The following WASHC4 variants were observed in gnomAD, a reference collection of about 807,000 sequenced individuals.
The protein encoded by WASHC4 is WASH complex subunit 7.
Under a neutral mutation model 166.6 loss-of-function variants are expected in WASHC4, and 86 were observed. That is an observed-to-expected ratio of 0.52 (90% confidence interval 0.43 to 0.62). WASHC4 has a LOEUF of 0.62. Among genes scored for constraint, WASHC4 ranks in the 20% least tolerant of loss-of-function variants. The pLI, the probability that WASHC4 is intolerant of heterozygous loss-of-function variation, is 0.00. For missense variants in WASHC4, 1,262 were observed against 1,382.4 expected (o/e 0.91, Z 1.38); for synonymous variants, 446 against 451.6 (o/e 0.99, Z 0.16).
At chr12:105,125,968 A>G in intron 10 of WASHC4, 36 bp from the exon 11 acceptor site, 1 of 1,593,118 alleles carries the variant, frequency 6.3e-7, no homozygotes, top group South Asian at 1.1e-5. Flanking sequence ...TTTATTATTG[A>G]GAGTCTGAAT....
chr12:105,165,943 T>C (rs1884784328), intron 32 of WASHC4, among the ~76,000 whole-genome samples: 1 of 152,236 alleles, frequency 6.6e-6, no homozygotes, highest in Non-Finnish European at 1.5e-5. Context: ...TGAATCAATA[T>C]AATCTAAATT....
At chr12:105,109,649 C>CTTTTTTTTTT (rs36080234) in intron 1 of WASHC4, among the ~76,000 whole-genome samples, 5 of 97,624 alleles carry the variant, frequency 5.1e-5, no homozygotes, top group African/African-American at 1.6e-4. Context: ...CTAGCATTGT[C>CTTTTTTTTTT]TTTTTTTTTT....
chr12:105,118,499 C>T lies in WASHC4; in HGVS notation c.489C>T (p.His163=). The T allele has an allele frequency of 6.2e-7, 1 of 1,612,788 alleles. No homozygotes were observed. The highest frequency in any genetic ancestry group is 8.5e-7 in the Non-Finnish European group (1 of 1,178,804). ...ATGAAGTGGTGATGAACGTAGTCCACCAGTTGGCTGCCCTCTATATCAGTA... is the reference window on the plus strand; with the variant it reads ...ATGAAGTGGTGATGAACGTAGTCCATCAGTTGGCTGCCCTCTATATCAGTA... ...RCYEVVMNVV[H]QLAALYISNK... The change falls in exon 7 of 33, where the codon CAC becomes CAT. Residue 163 remains histidine, a synonymous_variant. Transcript: ENST00000332180.
Position 105,164,347 on chromosome 12 carries a change from C to T in WASHC4, c.3354+40C>T, listed in dbSNP as rs759028496. 3.3e-6 allele frequency: 5 copies of T among 1,526,926 alleles called. No homozygotes were observed. In the South Asian group the frequency reaches 4.5e-5, roughly 14 times the overall value. 94.6% of individuals were successfully genotyped at this position (1,526,926 alleles called of 1,614,324 possible). A position where few individuals can be genotyped will look rare whatever the true frequency, so the allele number is the denominator to read the frequency against. On this transcript the variant is annotated intron_variant, in intron 31 of 32. Transcript: ENST00000332180. ...AAGAGTCACATCTGCTTTGACTTAC[C>T]ATTTGATATCCATGACTTCTTAATG...
At chr12:105,120,511 AC>A in intron 7 of WASHC4, 43 bp from the exon 8 acceptor site, 1 of 1,178,004 alleles carries the variant, frequency 8.5e-7, no homozygotes, top group Non-Finnish European at 1.3e-6. Context: ...ATAAACTATG[AC>A]AAAAAGGAAG....
rs145746721 is a variant in WASHC4, at chr12:105,148,971, G to A, written c.2515-644G>A. On this transcript the variant is annotated intron_variant, in intron 24 of 32. Coordinates refer to ENST00000332180, the MANE Select transcript of WASHC4 (RefSeq NM_015275.3). ...GGGCTTTTTGTTATTTATTGTCAAA[G>A]CACACATGTACTTAACATTCTGAGA... 751 of 984,492 alleles carry A rather than the reference G, an allele frequency of 7.6e-4. 5 individuals carry two copies. The African/African-American group carries it at 0.012, about 16-fold the overall frequency. 61.0% of individuals were successfully genotyped at this position (984,492 alleles called of 1,614,324 possible).
chr12:105,148,933 T>G, intron 24 of WASHC4: 1 of 985,314 alleles, frequency 1.0e-6, no homozygotes, highest in Non-Finnish European at 1.2e-6. Flanking sequence ...TTTCTTAGGA[T>G]TTTCTGAGTC....
rs771492360 is a variant in WASHC4 at position 105,164,771 on chromosome 12, A to G, written c.3454+31A>G. Reference sequence around the variant, plus strand: ...TGAGTGGTTTAAATTTGGAAAGACCAATAAATGTCTTTAGTAATAGACAGT... The same window carrying G: ...TGAGTGGTTTAAATTTGGAAAGACCGATAAATGTCTTTAGTAATAGACAGT... On this transcript the variant is annotated intron_variant, in intron 32 of 32. Coordinates refer to ENST00000332180, the MANE Select transcript of WASHC4 (RefSeq NM_015275.3). 3.5e-6 allele frequency: 5 copies of G among 1,438,136 alleles called. No individual in the cohort carries two copies. In the East Asian group the frequency reaches 9.1e-5, roughly 26 times the overall value. 89.1% of individuals were successfully genotyped at this position (1,438,136 alleles called of 1,614,324 possible). A position where few individuals can be genotyped will look rare whatever the true frequency, so the allele number is the denominator to read the frequency against.
chr12:105,144,293 C>G lies in WASHC4; in HGVS notation c.2017C>G (p.Leu673Val). The G allele has an allele frequency of 6.2e-7, 1 of 1,611,284 alleles. No homozygotes were observed. The highest frequency in any genetic ancestry group is 8.5e-7 in the Non-Finnish European group (1 of 1,178,200). ...TCAAATCTTTTGTGAATAGCATTTG[C>G]TGGACAAATTATGCAAAGAAATAGA... ...EIMEILNEHL[L>V]DKLCKEIEKD... The change falls in exon 21 of 33, where the codon CTG becomes GTG. Residue 673 changes from leucine (L) to valine (V), a missense_variant. Transcript: ENST00000332180.
At chr12:105,109,628 G>A (rs971481690) in intron 1 of WASHC4, among the ~76,000 whole-genome samples, 5 of 149,292 alleles carry the variant, frequency 3.3e-5, no homozygotes, top group Non-Finnish European at 5.9e-5. Flanking sequence ...ATTTATTGGC[G>A]TGGTGTTTCT....
At chr12:105,153,075 G>T (rs1319371994) in intron 26 of WASHC4, among the ~76,000 whole-genome samples, 1 of 152,108 alleles carries the variant, frequency 6.6e-6, no homozygotes, top group Non-Finnish European at 1.5e-5. Context: ...TGAAAAAAGA[G>T]AAACTTAGAG....
intron 13 of WASHC4, 62 bp downstream of exon 13, chr12:105,127,351 C>G (rs1320838587): frequency 1.7e-6 from 2 of 1,151,102 alleles, no homozygotes; most frequent in Non-Finnish European, 2.6e-6. Flanking sequence ...AAAGATTATA[C>G]TAACACTTAA....
intron 13 of WASHC4, among the ~76,000 whole-genome samples, chr12:105,132,830 GTA>G (rs1881980872): frequency 7.7e-6 from 1 of 129,560 alleles, no homozygotes; most frequent in Admixed American, 7.9e-5. Flanking sequence ...GTGTGTGTGT[GTA>G]AAGTGCTTGG....
At chr12:105,160,502 A>C (rs1171272804) in intron 29 of WASHC4, among the ~76,000 whole-genome samples, 2 of 152,006 alleles carry the variant, frequency 1.3e-5, no homozygotes, top group Non-Finnish European at 1.5e-5. Context: ...GTGCACCACC[A>C]TGCCTAATTT....
At chr12:105,157,935 A>T (rs1330717692) in intron 28 of WASHC4, among the ~76,000 whole-genome samples, 1 of 152,210 alleles carries the variant, frequency 6.6e-6, no homozygotes, top group Non-Finnish European at 1.5e-5. Context: ...AATTGGTAAG[A>T]ATATGTTTAG....
Position 105,126,032 on chromosome 12 carries a change from T to C in WASHC4, c.815T>C (p.Leu272Pro). ...TGTATAGAACAACAATTTGATTCTCTCAATGGAGGAGTATCTGTGTCAAAA... is the reference window on the plus strand; with the variant it reads ...TGTATAGAACAACAATTTGATTCTCCCAATGGAGGAGTATCTGTGTCAAAA... The part of the protein sequence containing the change: ...QACIEQQFDS[L>P]NGGVSVSKNS... The change falls in exon 11 of 33, where the codon CTC becomes CCC. Residue 272 changes from leucine (L) to proline (P), a missense_variant. By Grantham distance (98) the Leu-to-Pro change is moderately conservative (BLOSUM62 -3). Coordinates refer to ENST00000332180, the MANE Select transcript of WASHC4 (RefSeq NM_015275.3). 1 of 1,612,694 alleles carries C rather than the reference T, an allele frequency of 6.2e-7. No homozygotes were observed. Among genetic ancestry groups the C allele is most frequent in the Non-Finnish European group, 8.5e-7 (1 of 1,179,016 alleles).
intron 15 of WASHC4, among the ~76,000 whole-genome samples, chr12:105,138,935 C>T (rs1373966700): frequency 6.6e-6 from 1 of 152,068 alleles, no homozygotes; most frequent in East Asian, 1.9e-4. Context: ...TTTTCAAATG[C>T]TGTGTTTTTT....
rs142993566 is a variant in WASHC4 at position 105,161,779 on chromosome 12, C to T, written c.3061-970C>T. Among the ~76,000 whole-genome samples, 674 of 152,228 alleles carry T rather than the reference C, an allele frequency of 4.4e-3. 4 individuals carry two copies. The highest frequency in any genetic ancestry group is 0.015 in the African/African-American group (608 of 41,524). ...AAATGAAACTTGGTTTTGTTTCCAG[C>T]GTAGGCTATTATAGTACTTAGCACA... On this transcript the variant is annotated intron_variant, in intron 29 of 32. Coordinates refer to ENST00000332180, the MANE Select transcript of WASHC4 (RefSeq NM_015275.3).
intron 17 of WASHC4, 27 bp downstream of exon 17, chr12:105,141,072 A>G: frequency 6.2e-7 from 1 of 1,613,744 alleles, no homozygotes; most frequent in Non-Finnish European, 8.5e-7. Flanking sequence ...TACTTATGGA[A>G]CAGAAATGAG....
Sources: gnomAD v4.1 joint callset for allele counts (sites outside exome capture counted in the v4.1 genomes callset) on GRCh38, gnomAD v4.1.1 for gene constraint, MANE v1.5 for transcripts, NCBI Gene and HGNC (gene_info 2026-07-23, HGNC 2026-07-21) for gene names.